THRB: variants seen among roughly 807,000 people sequenced by gnomAD.
THRB encodes nuclear receptor subfamily 1 group A member 2.
Under a neutral mutation model 47.8 loss-of-function variants are expected in THRB, and 12 were observed. The ratio of observed to expected loss-of-function variants is 0.25; its 90% CI spans 0.16 to 0.41. THRB has a LOEUF of 0.41. Among genes scored for constraint, THRB ranks in the 10% least tolerant of loss-of-function variants. The pLI is 1.00. For missense variants in THRB, 348 were observed against 589.2 expected (o/e 0.59, Z 4.24); for synonymous variants, 218 against 212.2 (o/e 1.03, Z -0.24).
chr3:24,422,707 G>T (rs1049176531), intron 1 of THRB, among the ~76,000 whole-genome samples: 4 of 151,812 alleles, frequency 2.6e-5, no homozygotes, highest in Admixed American at 1.3e-4. Flanking sequence ...TGACCATATT[G>T]GTGGTTCTAC....
In THRB at chr3:24,251,831, G is replaced by A. The variant is rs184552943; in HGVS notation, c.-42-22830C>T. On this transcript the variant is annotated intron_variant, in intron 3 of 10. Transcript: ENST00000646209. ...TACTTTTGTAAATCAGCATAATTCT[G>A]ATACCAAAAATTTGGAAAAGACAGC... 9.2e-5 allele frequency among the ~76,000 whole-genome samples: 14 copies of A among 152,088 alleles called. No individual in the cohort carries two copies. In the East Asian group the frequency reaches 2.5e-3, roughly 27 times the overall value.
chr3:24,297,279 C>T lies in THRB; in HGVS notation c.-96G>A, dbSNP rs566333365. 5 of 152,322 alleles carry T rather than the reference C, an allele frequency of 3.3e-5. No individual in the cohort carries two copies. Among genetic ancestry groups the T allele is most frequent in the African/African-American group, 1.2e-4 (5 of 41,562 alleles). 9.4% of individuals were successfully genotyped at this position (152,322 alleles called of 1,614,324 possible). The stretch of plus-strand genomic sequence containing the variant: ...CTTTGAATAACAGGCTTTCAGTCTT[C>T]AAGACGTTTGTTTTTCTGCATTTCC... On this transcript the variant is annotated 5_prime_UTR_variant, in exon 3 of 11. Transcript: ENST00000646209.
At chr3:24,161,307 A>G (rs950287184) in intron 5 of THRB, among the ~76,000 whole-genome samples, 1 of 152,212 alleles carries the variant, frequency 6.6e-6, no homozygotes. Flanking sequence ...CTATGATTGC[A>G]TTAACCACTT....
chr3:24,135,680 A>C lies in THRB; in HGVS notation c.739-2218T>G, dbSNP rs566692076. 1.3e-3 allele frequency among the ~76,000 whole-genome samples: 191 copies of C among 152,082 alleles called. 1 individual carries two copies. Among genetic ancestry groups the C allele is most frequent in the African/African-American group, 4.4e-3 (182 of 41,480 alleles). ...GGTAATGCTGCTCCCTGCAGCCTTC[A>C]GATATCCCTGCTCTTCTTTATAATT... On this transcript the variant is annotated intron_variant, in intron 8 of 10. Coordinates refer to ENST00000646209, the MANE Select transcript of THRB (RefSeq NM_001354712.2).
intron 10 of THRB, 108 bp from the exon 11 acceptor site, chr3:24,123,233 C>T: frequency 6.5e-7 from 1 of 1,527,960 alleles, no homozygotes. Context: ...AGGGTCTTCC[C>T]TCTTAGCCAT....
In THRB at chr3:24,378,419, G is replaced by A. The variant is rs937113951; in HGVS notation, c.-260-41048C>T. On this transcript the variant is annotated intron_variant, in intron 1 of 10. Transcript: ENST00000646209. ...ATTTGTCTTAATGAAAACATGCTCAGTGGGATATTCCTACTGTATTTGCAA... is the reference window on the plus strand; with the variant it reads ...ATTTGTCTTAATGAAAACATGCTCAATGGGATATTCCTACTGTATTTGCAA... 2.6e-5 allele frequency among the ~76,000 whole-genome samples: 4 copies of A among 152,138 alleles called. No individual in the cohort carries two copies. In the East Asian group the frequency reaches 7.7e-4, roughly 29 times the overall value.
At chr3:24,428,440 C>T (rs1206123369) in intron 1 of THRB, among the ~76,000 whole-genome samples, 1 of 151,968 alleles carries the variant, frequency 6.6e-6, no homozygotes, top group Non-Finnish European at 1.5e-5. Context: ...TCTCTTAGCC[C>T]CCATTTGCCT....
At chr3:24,216,818 A>G (rs1046066288) in intron 4 of THRB, among the ~76,000 whole-genome samples, 1 of 152,182 alleles carries the variant, frequency 6.6e-6, no homozygotes, top group African/African-American at 2.4e-5. Flanking sequence ...TTCTTAATCT[A>G]ATTTAGAGCA....
At chr3:24,227,470 C>T (rs2047778839) in intron 4 of THRB, among the ~76,000 whole-genome samples, 1 of 152,050 alleles carries the variant, frequency 6.6e-6, no homozygotes, top group South Asian at 2.1e-4. Flanking sequence ...CGTTTTGGTG[C>T]CTGTTGATGT....
At chr3:24,138,530 T>C (rs989106354) in intron 8 of THRB, among the ~76,000 whole-genome samples, 6 of 152,192 alleles carry the variant, frequency 3.9e-5, no homozygotes, top group African/African-American at 1.4e-4. Flanking sequence ...CAACTGAGCC[T>C]GAAATAACTT....
chr3:24,143,457 A>G (rs1646429700), intron 8 of THRB, 44 bp downstream of exon 8: 1 of 1,582,020 alleles, frequency 6.3e-7, no homozygotes, highest in African/African-American at 1.3e-5. Context: ...GAGGTAGAAA[A>G]CACTGGCATA....
At chr3:24,438,997 A>G (rs955075109) in intron 1 of THRB, among the ~76,000 whole-genome samples, 3 of 152,244 alleles carry the variant, frequency 2.0e-5, no homozygotes, top group South Asian at 2.1e-4. Context: ...GAAAAGACAA[A>G]GATGTGGTTT....
intron 1 of THRB, among the ~76,000 whole-genome samples, chr3:24,449,753 T>A (rs545295701): frequency 6.6e-6 from 1 of 152,284 alleles, no homozygotes; most frequent in East Asian, 1.9e-4. Context: ...GGAGGCGATA[T>A]AGTGAAAAGC....
intron 1 of THRB, among the ~76,000 whole-genome samples, chr3:24,471,662 G>A (rs556120374): frequency 6.6e-6 from 1 of 152,240 alleles, no homozygotes; most frequent in South Asian, 2.1e-4. Context: ...AACATCCACA[G>A]AGAGGACTGA....
At chr3:24,359,534 T>G (rs1577083238) in intron 1 of THRB, among the ~76,000 whole-genome samples, 1 of 152,134 alleles carries the variant, frequency 6.6e-6, no homozygotes, top group Admixed American at 6.6e-5. Flanking sequence ...TATCTCTTGA[T>G]GAGAGAATGC....
intron 8 of THRB, among the ~76,000 whole-genome samples, chr3:24,135,319 G>A (rs1250058135): frequency 6.6e-6 from 1 of 152,180 alleles, no homozygotes; most frequent in Non-Finnish European, 1.5e-5. Context: ...CAGCCTCAGG[G>A]GAAGGTTTTA....
intron 3 of THRB, among the ~76,000 whole-genome samples, chr3:24,240,363 G>T (rs1276634137): frequency 6.6e-6 from 1 of 152,166 alleles, no homozygotes; most frequent in Non-Finnish European, 1.5e-5. Flanking sequence ...CGCGTCAAAT[G>T]GGGAGGCTGT....
chr3:24,475,016 C>CGT (rs1244680316), intron 1 of THRB, among the ~76,000 whole-genome samples: 1 of 152,210 alleles, frequency 6.6e-6, no homozygotes. Flanking sequence ...CACACTAATA[C>CGT]GTGGCATTCT....
chr3:24,271,440 C>T (rs1367140039), intron 3 of THRB, among the ~76,000 whole-genome samples: 1 of 152,156 alleles, frequency 6.6e-6, no homozygotes, highest in Non-Finnish European at 1.5e-5. Flanking sequence ...GGAACCAATG[C>T]TGTGGTGTGA....
Sources: gnomAD v4.1 joint callset for allele counts (sites outside exome capture counted in the v4.1 genomes callset) on GRCh38, gnomAD v4.1.1 for gene constraint, MANE v1.5 for transcripts, NCBI Gene and HGNC (gene_info 2026-07-23, HGNC 2026-07-21) for gene names.